NBEA: variants seen among roughly 807,000 people sequenced by gnomAD.
NBEA encodes the protein lysosomal-trafficking regulator 2.
A neutral mutation model predicts 343.4 loss-of-function variants in NBEA; 44 were observed. The ratio of observed to expected loss-of-function variants is 0.13; its 90% CI spans 0.10 to 0.16. NBEA has a LOEUF of 0.16. Ranked by LOEUF, NBEA falls within the 10% of genes least tolerant of loss-of-function variation. The probability of loss-of-function intolerance (pLI) is 1.00; values close to 1 mark genes in which losing one functional copy is unlikely to be tolerated. For synonymous variants in NBEA, 1,175 were observed against 1,238.7 expected, an observed-to-expected ratio of 0.95 and a Z score of 1.08; for missense variants, 2,555 against 3,631.3, an observed-to-expected ratio of 0.70 and a Z score of 7.62.
chr13:35,669,979 G>GTC (rs2153089428), intron 58 of NBEA, among the ~76,000 whole-genome samples: 1 of 152,086 alleles, frequency 6.6e-6, no homozygotes, highest in South Asian at 2.1e-4. Flanking sequence ...GTATTAGGGG[G>GTC]TCTCAATGGA....
At chr13:35,255,743 GT>G (rs1317144421) in intron 34 of NBEA, among the ~76,000 whole-genome samples, 3 of 152,228 alleles carry the variant, frequency 2.0e-5, no homozygotes, top group African/African-American at 7.2e-5. Flanking sequence ...TCCTGCAGCT[GT>G]TCTCTCCTCA....
At chr13:35,243,556 G>T (rs556740367) in intron 34 of NBEA, among the ~76,000 whole-genome samples, 1 of 151,948 alleles carries the variant, frequency 6.6e-6, no homozygotes, top group Non-Finnish European at 1.5e-5. Flanking sequence ...GAAGTTTAAA[G>T]TGAAAGAGTA....
At chr13:35,603,759 A>G (rs1215110047) in intron 47 of NBEA, among the ~76,000 whole-genome samples, 11 of 152,222 alleles carry the variant, frequency 7.2e-5, no homozygotes, top group South Asian at 2.1e-4. Flanking sequence ...TCTAGTACAT[A>G]TAAATCACAC....
intron 36 of NBEA, among the ~76,000 whole-genome samples, chr13:35,311,149 A>G (rs2037334533): frequency 6.6e-6 from 1 of 152,108 alleles, no homozygotes; most frequent in Non-Finnish European, 1.5e-5. Context: ...AGCACTCACC[A>G]TGTCTTACAG....
At chr13:35,167,449 AC>A (rs1345951851) in intron 24 of NBEA, among the ~76,000 whole-genome samples, 1 of 150,568 alleles carries the variant, frequency 6.6e-6, no homozygotes, top group Non-Finnish European at 1.5e-5. Context: ...GAAAAAAAGA[AC>A]ATATATATAT....
rs766266194 is a variant in NBEA, at chr13:35,593,309, AT to A, written c.7177-17del. On this transcript the variant is annotated intron_variant, in intron 46 of 58. Transcript: ENST00000379939. ...TGTGTTTAGAGTGGTCAAATTTCTG[AT>A]TCTGTTTTTTTGCTTAGGAACCTTT... 1 of 1,610,674 alleles carries A rather than the reference AT, an allele frequency of 6.2e-7. No individual in the cohort carries two copies. Among genetic ancestry groups the A allele is most frequent in the East Asian group, 2.2e-5 (1 of 44,810 alleles).
chr13:35,276,756 A>T (rs762650462), intron 34 of NBEA, among the ~76,000 whole-genome samples: 1 of 152,214 alleles, frequency 6.6e-6, no homozygotes, highest in Non-Finnish European at 1.5e-5. Context: ...TATTACAGAC[A>T]TACTGTAGTT....
At chr13:35,180,389 T>C (rs1025678881) in intron 28 of NBEA, among the ~76,000 whole-genome samples, 6 of 151,734 alleles carry the variant, frequency 4.0e-5, no homozygotes, top group African/African-American at 1.4e-4. Flanking sequence ...CTGAAATAAG[T>C]TTATCTAGGC....
chr13:34,981,445 G>C (rs1401352761), intron 1 of NBEA, among the ~76,000 whole-genome samples: 1 of 152,146 alleles, frequency 6.6e-6, no homozygotes, highest in East Asian at 1.9e-4. Context: ...TTAAGAAACT[G>C]CCAGACTATT....
chr13:35,361,795 A>G (rs1412294819), intron 38 of NBEA, among the ~76,000 whole-genome samples: 3 of 152,046 alleles, frequency 2.0e-5, no homozygotes, highest in Non-Finnish European at 1.5e-5. Flanking sequence ...ACAATGAGAA[A>G]CAAATATTGT....
chr13:35,285,415 C>T (rs2035354763), intron 34 of NBEA, among the ~76,000 whole-genome samples: 1 of 152,138 alleles, frequency 6.6e-6, no homozygotes, highest in African/African-American at 2.4e-5. Context: ...TTCAGATTGT[C>T]AGTATAGTCA....
At chr13:34,949,443 T>G (rs1362724350) in intron 1 of NBEA, among the ~76,000 whole-genome samples, 1 of 152,206 alleles carries the variant, frequency 6.6e-6, no homozygotes, top group East Asian at 1.9e-4. Flanking sequence ...GCCTGCATTC[T>G]TTTACTTCTA....
intron 41 of NBEA, among the ~76,000 whole-genome samples, chr13:35,481,208 T>A (rs1397699654): frequency 6.6e-6 from 1 of 151,910 alleles, no homozygotes; most frequent in Non-Finnish European, 1.5e-5. Context: ...AAGCTTGATA[T>A]TGGTATTAAT....
intron 48 of NBEA, among the ~76,000 whole-genome samples, chr13:35,619,481 C>T (rs1355518303): frequency 1.3e-5 from 2 of 152,136 alleles, no homozygotes; most frequent in Non-Finnish European, 2.9e-5. Context: ...GTTTATATCA[C>T]ATTTTTATTT....
chr13:35,251,194 T>C, intron 34 of NBEA: 1 of 253,188 alleles, frequency 3.9e-6, no homozygotes, highest in South Asian at 6.0e-5. Flanking sequence ...GGGAGGGGAC[T>C]CACTTTCTCA....
chr13:35,328,494 G>T (rs971035164), intron 36 of NBEA, among the ~76,000 whole-genome samples: 1 of 151,854 alleles, frequency 6.6e-6, no homozygotes, highest in Non-Finnish European at 1.5e-5. Flanking sequence ...ATAACTAAAG[G>T]AGTATAATTG....
chr13:34,998,183 A>C (rs1463085384), intron 1 of NBEA, among the ~76,000 whole-genome samples: 1 of 152,124 alleles, frequency 6.6e-6, no homozygotes, highest in African/African-American at 2.4e-5. Flanking sequence ...AAAACCAGCA[A>C]GTTTTTAGTG....
At chr13:35,307,149 A>G (rs2036945446) in intron 35 of NBEA, among the ~76,000 whole-genome samples, 1 of 151,978 alleles carries the variant, frequency 6.6e-6, no homozygotes, top group South Asian at 2.1e-4. Context: ...CAGCTCTTAA[A>G]TTCAGATTCT....
chr13:35,656,763 A>T (rs1393119590), intron 55 of NBEA, among the ~76,000 whole-genome samples: 2 of 152,220 alleles, frequency 1.3e-5, no homozygotes, highest in African/African-American at 4.8e-5. Flanking sequence ...GCAAGTACTC[A>T]AACCAGGATT....
Sources: gnomAD v4.1 joint callset for allele counts (sites outside exome capture counted in the v4.1 genomes callset) on GRCh38, gnomAD v4.1.1 for gene constraint, MANE v1.5 for transcripts, NCBI Gene and HGNC (gene_info 2026-07-23, HGNC 2026-07-21) for gene names.